KLHL25: variants seen among roughly 807,000 people sequenced by gnomAD.
The protein encoded by KLHL25 is kelch like family member 25.
In KLHL25, 41 loss-of-function variants were observed where a neutral mutation model predicts 30.0. That is an observed-to-expected ratio of 1.37 (90% CI 1.07 to 1.78). The LOEUF is 1.78. Ranked by LOEUF, KLHL25 falls within the 40% of genes most tolerant of loss-of-function variation. The probability of loss-of-function intolerance (pLI) is 0.00; values close to 1 mark genes in which losing one functional copy is unlikely to be tolerated. For missense variants in KLHL25, 971 were observed against 824.5 expected, an observed-to-expected ratio of 1.18 and a Z score of -2.18; for synonymous variants, 399 against 355.3, an observed-to-expected ratio of 1.12 and a Z score of -1.38.
intron 1 of KLHL25, among the ~76,000 whole-genome samples, chr15:85,790,708 G>A (rs568100981): frequency 1.0e-3 from 153 of 152,214 alleles, no homozygotes; most frequent in Non-Finnish European, 1.9e-3. Flanking sequence ...GTGAAGAGAC[G>A]GAGTTGGCCT....
chr15:85,774,771 G>A lies in KLHL25; in HGVS notation c.-10-4951C>T, dbSNP rs530276165. On this transcript the variant is annotated intron_variant, in intron 1 of 2. Coordinates refer to ENST00000337975, the MANE Select transcript of KLHL25 (RefSeq NM_022480.4). ...CTCAGCCTGCGTAGTACCCAGGCAT[G>A]AACAGCTCAAATTATCTCTGGAGCT... 1.1e-4 allele frequency among the ~76,000 whole-genome samples: 16 copies of A among 152,228 alleles called. No homozygotes were observed. The East Asian group carries it at 2.1e-3, about 20-fold the overall frequency.
At chr15:85,784,232 C>G (rs911169789) in intron 1 of KLHL25, among the ~76,000 whole-genome samples, 1 of 152,096 alleles carries the variant, frequency 6.6e-6, no homozygotes, top group Admixed American at 6.6e-5. Flanking sequence ...CAATAAGCCC[C>G]TTAAAAGCAG....
At chr15:85,787,606 A>G (rs2089788789) in intron 1 of KLHL25, among the ~76,000 whole-genome samples, 1 of 152,250 alleles carries the variant, frequency 6.6e-6, no homozygotes, top group African/African-American at 2.4e-5. Flanking sequence ...AGGACACACA[A>G]GATTTCATTG....
intron 1 of KLHL25, among the ~76,000 whole-genome samples, chr15:85,785,094 CTTT>C (rs11419946): frequency 1.6e-4 from 23 of 142,300 alleles, no homozygotes; most frequent in Non-Finnish European, 2.9e-4. Context: ...TTTCTTTTTT[CTTT>C]TTTTTTTTTT....
At chr15:85,762,159 G>A (rs1319699558) in intron 2 of KLHL25, 1 of 152,310 alleles carries the variant, frequency 6.6e-6, no homozygotes, top group African/African-American at 2.4e-5. Flanking sequence ...CTCCTCACAA[G>A]TGAGAAGCTG....
chr15:85,788,125 G>C (rs1175290929), intron 1 of KLHL25, among the ~76,000 whole-genome samples: 1 of 142,626 alleles, frequency 7.0e-6, no homozygotes, highest in Admixed American at 6.9e-5. Flanking sequence ...ACAATAAAAT[G>C]AAAGAGAACA....
intron 1 of KLHL25, among the ~76,000 whole-genome samples, chr15:85,791,886 A>G (rs1243369931): frequency 6.6e-6 from 1 of 152,220 alleles, no homozygotes; most frequent in African/African-American, 2.4e-5. Flanking sequence ...TTTGAACCCC[A>G]GTCTGGTGCC....
chr15:85,768,317 T>G lies in KLHL25; in HGVS notation c.1494A>C (p.Gly498=), dbSNP rs149745185. The G allele has an allele frequency of 5.0e-6, 8 of 1,613,806 alleles. No homozygotes were observed. In the African/African-American group the frequency reaches 9.3e-5, roughly 19 times the overall value. Residue 498 remains glycine (G), a synonymous_variant, in exon 2 of 3, where the codon GGA becomes GGC. Transcript: ENST00000337975. The stretch of plus-strand genomic sequence containing the variant: ...AGGCGGCTGTGAATTCCGTGTCACC[T>G]CCCATGATGAAGATCTGGCTGCCCA... The part of the protein sequence containing the change: ...AVLGSQIFIM[G]GDTEFTAASA...
At chr15:85,766,489 G>A (rs1383093969) in intron 2 of KLHL25, among the ~76,000 whole-genome samples, 1 of 152,182 alleles carries the variant, frequency 6.6e-6, no homozygotes, top group East Asian at 1.9e-4. Flanking sequence ...CCTCTCTCGT[G>A]GCAGGACCTC....
intron 2 of KLHL25, chr15:85,761,576 G>A (rs1420898667): frequency 1.3e-5 from 2 of 150,612 alleles, no homozygotes; most frequent in Admixed American, 1.3e-4. Flanking sequence ...TTGGGCTGAG[G>A]TCTGTCCCCA....
chr15:85,781,325 C>T lies in KLHL25; in HGVS notation c.-10-11505G>A, dbSNP rs192958476. On this transcript the variant is annotated intron_variant, in intron 1 of 2. Coordinates refer to ENST00000337975, the MANE Select transcript of KLHL25 (RefSeq NM_022480.4). ...CAGGCATCGGCCATTTGGAAAACAT[C>T]GGTTCACTGAGTTATGCACTCTGGA... is the stretch of plus-strand genomic sequence containing the variant. Among the ~76,000 whole-genome samples, 6 of 152,296 alleles carry T rather than the reference C, an allele frequency of 3.9e-5. No homozygotes were observed. In the East Asian group the frequency reaches 7.7e-4, roughly 20 times the overall value.
chr15:85,782,067 T>A (rs2089747134), intron 1 of KLHL25, among the ~76,000 whole-genome samples: 2 of 151,686 alleles, frequency 1.3e-5, no homozygotes, highest in Admixed American at 1.3e-4. Flanking sequence ...AAAAAAGACC[T>A]TGGGTTTGCA....
intron 1 of KLHL25, among the ~76,000 whole-genome samples, chr15:85,786,916 G>T (rs535467107): frequency 6.6e-6 from 1 of 152,196 alleles, no homozygotes; most frequent in Non-Finnish European, 1.5e-5. Flanking sequence ...AGCCTAGTGG[G>T]GGGCAGGGGC....
At chr15:85,774,650 C>A (rs1303770372) in intron 1 of KLHL25, among the ~76,000 whole-genome samples, 2 of 152,126 alleles carry the variant, frequency 1.3e-5, no homozygotes, top group Non-Finnish European at 2.9e-5. Flanking sequence ...CCCCTTCCCA[C>A]CCGCCTCCAC....
chr15:85,774,811 T>C (rs2089699044), intron 1 of KLHL25, among the ~76,000 whole-genome samples: 1 of 151,758 alleles, frequency 6.6e-6, no homozygotes, highest in South Asian at 2.1e-4. Flanking sequence ...GCCAAGCCAA[T>C]CCGTATGGCC....
At chr15:85,767,248 C>CA (rs979053302) in intron 2 of KLHL25, among the ~76,000 whole-genome samples, 3 of 152,148 alleles carry the variant, frequency 2.0e-5, no homozygotes, top group African/African-American at 7.2e-5. Context: ...CTCGGCCTCT[C>CA]AAAGTGCTGG....
At chr15:85,773,107 G>C (rs2089688028) in intron 1 of KLHL25, among the ~76,000 whole-genome samples, 1 of 152,240 alleles carries the variant, frequency 6.6e-6, no homozygotes, top group Non-Finnish European at 1.5e-5. Context: ...CAGCTTCTGG[G>C]CATGTTATTT....
At position 85,788,890 on chromosome 15, in the gene KLHL25, T is replaced by C. The variant is rs1193016617; in HGVS notation, c.-11+5876A>G. 2.6e-5 allele frequency among the ~76,000 whole-genome samples: 4 copies of C among 152,194 alleles called. No individual in the cohort carries two copies. The East Asian group carries it at 7.7e-4, about 29-fold the overall frequency. ...GCCCAGCTGGCTAGGGTGCAGAACA[T>C]GAACTCCGGACAATGGATGGAATCG... On this transcript the variant is annotated intron_variant, in intron 1 of 2. Coordinates refer to ENST00000337975, the MANE Select transcript of KLHL25 (RefSeq NM_022480.4).
Position 85,768,051 on chromosome 15 carries a change from A to C in KLHL25, c.1760T>G (p.Leu587Arg). Residue 587 changes from leucine (L) to arginine (R), a missense_variant, in exon 2 of 3, where the codon CTG becomes CGG. Coordinates refer to ENST00000337975, the MANE Select transcript of KLHL25 (RefSeq NM_022480.4). ...CTCAGCAGGTGCTCCTCACGCGGGC[A>C]GGTGCTTCCAGGTGCTGACAAAGGC... ...PTAFVSTWKH[L>R]PA The C allele has an allele frequency of 6.2e-7, 1 of 1,610,454 alleles. No homozygotes were observed. The highest frequency in any genetic ancestry group is 1.3e-5 in the African/African-American group (1 of 74,986).
Sources: gnomAD v4.1 joint callset for allele counts (sites outside exome capture counted in the v4.1 genomes callset) on GRCh38, gnomAD v4.1.1 for gene constraint, MANE v1.5 for transcripts, NCBI Gene and HGNC (gene_info 2026-07-23, HGNC 2026-07-21) for gene names.